Variants in NELL1 observed in about 807,000 individuals in gnomAD.
NELL1 encodes the protein protein kinase C-binding protein NELL1.
Under a neutral mutation model 107.4 loss-of-function variants are expected in NELL1, and 76 were observed. The observed-to-expected ratio is 0.71, with a 90% CI of 0.59 to 0.86. The LOEUF (loss-of-function observed/expected upper bound fraction) is 0.86, where lower values mean the gene tolerates loss of function less well. Ranked by LOEUF, NELL1 falls within the 40% of genes least tolerant of loss-of-function variation. The pLI, the probability that NELL1 is intolerant of heterozygous loss-of-function variation, is 0.00. For missense variants in NELL1, 1,024 were observed against 1,005.5 expected (o/e 1.02, Z -0.25); for synonymous variants, 353 against 341.2 (o/e 1.03, Z -0.38).
rs887281043 is a variant in NELL1, at chr11:21,478,475, A to C, written c.1646-55899A>C. 2.0e-5 allele frequency among the ~76,000 whole-genome samples: 3 copies of C among 152,140 alleles called. No individual in the cohort carries two copies. The East Asian group carries it at 5.8e-4, about 29-fold the overall frequency. On this transcript the variant is annotated intron_variant, in intron 15 of 19. Coordinates refer to ENST00000357134, the MANE Select transcript of NELL1 (RefSeq NM_006157.5). ...TAAGTACAAAGTCTCATTGGAGACA[A>C]GGCAAGTCCCTTCTCCCTGGGAGCC... is the stretch of plus-strand genomic sequence containing the variant.
chr11:20,929,367 A>G (rs1415560381), intron 9 of NELL1, among the ~76,000 whole-genome samples: 1 of 152,160 alleles, frequency 6.6e-6, no homozygotes, highest in Non-Finnish European at 1.5e-5. Flanking sequence ...AAGTGGGAAT[A>G]GCAGTGAAAG....
intron 13 of NELL1, among the ~76,000 whole-genome samples, chr11:21,160,511 C>A (rs72936409): frequency 6.6e-6 from 1 of 152,028 alleles, no homozygotes. Flanking sequence ...AAAAAGGAGA[C>A]AAGATTTTCC....
chr11:20,821,750 A>C (rs1194725213), intron 3 of NELL1, among the ~76,000 whole-genome samples: 1 of 152,246 alleles, frequency 6.6e-6, no homozygotes, highest in African/African-American at 2.4e-5. Flanking sequence ...AAAGGGCAGC[A>C]ATAACTTACA....
At chr11:20,839,392 T>C (rs1848584779) in intron 3 of NELL1, among the ~76,000 whole-genome samples, 1 of 152,152 alleles carries the variant, frequency 6.6e-6, no homozygotes, top group Non-Finnish European at 1.5e-5. Flanking sequence ...CAACTACAAG[T>C]AAAAATCACC....
At chr11:21,493,722 T>C (rs1854897383) in intron 15 of NELL1, among the ~76,000 whole-genome samples, 2 of 152,060 alleles carry the variant, frequency 1.3e-5, no homozygotes, top group Non-Finnish European at 2.9e-5. Context: ...GAATGTATTA[T>C]GTATTTAAAA....
intron 15 of NELL1, among the ~76,000 whole-genome samples, chr11:21,378,285 ATT>A (rs199971274): frequency 0.021 from 2,622 of 122,640 alleles, 36 homozygotes; most frequent in South Asian, 0.091. Context: ...ATATATATAT[ATT>A]ATAGATAATC....
intron 4 of NELL1, among the ~76,000 whole-genome samples, chr11:20,869,039 G>C (rs1442833140): frequency 3.9e-5 from 6 of 152,152 alleles, no homozygotes; most frequent in Admixed American, 2.0e-4. Context: ...AGGGTCCAGC[G>C]GTTGGAAGCA....
Position 20,751,698 on chromosome 11 carries a change from C to G in NELL1, c.185-31982C>G, listed in dbSNP as rs150154337. On this transcript the variant is annotated intron_variant, in intron 2 of 19. Coordinates refer to ENST00000357134, the MANE Select transcript of NELL1 (RefSeq NM_006157.5). ...AGAGATGAAGTCTTGCTGTGTTGCT[C>G]AGGCTGGTTTTGAGCTCCTGGCCTC... 2.9e-3 allele frequency among the ~76,000 whole-genome samples: 443 copies of G among 151,106 alleles called. 2 individuals are homozygous for G. Among genetic ancestry groups the G allele is most frequent in the African/African-American group, 0.01 (413 of 40,642 alleles).
chr11:21,083,510 A>G (rs973355391), intron 12 of NELL1, among the ~76,000 whole-genome samples: 2 of 152,164 alleles, frequency 1.3e-5, no homozygotes, highest in Non-Finnish European at 2.9e-5. Flanking sequence ...TCTTGTTGGC[A>G]GTTACAATAC....
intron 12 of NELL1, among the ~76,000 whole-genome samples, chr11:21,039,401 G>A (rs575250546): frequency 1.3e-5 from 2 of 152,238 alleles, no homozygotes; most frequent in East Asian, 3.9e-4. Context: ...GGCTAGGCTG[G>A]TCTTAAACTC....
chr11:21,510,996 G>A (rs527455976), intron 15 of NELL1, among the ~76,000 whole-genome samples: 14 of 152,168 alleles, frequency 9.2e-5, no homozygotes, highest in African/African-American at 2.6e-4. Flanking sequence ...TATGATTTTG[G>A]TCAGGTTCAA....
intron 15 of NELL1, among the ~76,000 whole-genome samples, chr11:21,493,955 A>G (rs1312620447): frequency 3.3e-5 from 5 of 151,898 alleles, no homozygotes; most frequent in Admixed American, 6.6e-5. Context: ...ATTAATAGGC[A>G]TTCACTTTTT....
chr11:21,242,526 C>T (rs892072456), intron 14 of NELL1, among the ~76,000 whole-genome samples: 2 of 152,084 alleles, frequency 1.3e-5, no homozygotes, highest in South Asian at 4.1e-4. Context: ...GCCTCTGCTA[C>T]ACTGCTGTTG....
chr11:21,303,445 T>C (rs1423976634), intron 14 of NELL1, among the ~76,000 whole-genome samples: 4 of 152,046 alleles, frequency 2.6e-5, no homozygotes, highest in African/African-American at 9.7e-5. Flanking sequence ...CTAGTCAGAA[T>C]TGCTATTATT....
At chr11:20,853,131 T>G (rs1848822051) in intron 4 of NELL1, among the ~76,000 whole-genome samples, 1 of 152,220 alleles carries the variant, frequency 6.6e-6, no homozygotes, top group Non-Finnish European at 1.5e-5. Flanking sequence ...AGAACAAGGT[T>G]TATCTCACAG....
chr11:21,534,008 A>G (rs2133970462), intron 15 of NELL1, among the ~76,000 whole-genome samples: 1 of 152,298 alleles, frequency 6.6e-6, no homozygotes, highest in Non-Finnish European at 1.5e-5. Context: ...GACACACCAT[A>G]AAATCTGGAA....
chr11:21,547,204 T>C (rs1856464400), intron 16 of NELL1, among the ~76,000 whole-genome samples: 1 of 151,956 alleles, frequency 6.6e-6, no homozygotes, highest in Non-Finnish European at 1.5e-5. Flanking sequence ...AGAAAATATA[T>C]TTGCACCAGG....
chr11:20,726,178 G>A (rs1445858671), intron 2 of NELL1, among the ~76,000 whole-genome samples: 1 of 152,092 alleles, frequency 6.6e-6, no homozygotes, highest in Non-Finnish European at 1.5e-5. Flanking sequence ...CCATGTCTTT[G>A]CCATTGGGAA....
At chr11:21,402,183 C>A (rs1036880544) in intron 15 of NELL1, among the ~76,000 whole-genome samples, 2 of 151,710 alleles carry the variant, frequency 1.3e-5, no homozygotes, top group Admixed American at 1.3e-4. Context: ...ACTTTCCTGG[C>A]GTCAACCCAT....
Sources: gnomAD v4.1 joint callset for allele counts (sites outside exome capture counted in the v4.1 genomes callset) on GRCh38, gnomAD v4.1.1 for gene constraint, MANE v1.5 for transcripts, NCBI Gene and HGNC (gene_info 2026-07-23, HGNC 2026-07-21) for gene names.